Variants in ENTREP1 observed in about 807,000 individuals in gnomAD.
The protein encoded by ENTREP1 is endosomal transmembrane epsin interactor 1.
At chr9:69,372,515 T>C in the ENTREP1 span, among the ~76,000 whole-genome samples, 1 of 152,188 alleles carries the variant, frequency 6.6e-6, no homozygotes, top group Non-Finnish European at 1.5e-5. Context: ...TGTGTTAGAA[T>C]TCCCTTCCTT....
the ENTREP1 span, among the ~76,000 whole-genome samples, chr9:69,345,490 A>G: frequency 6.6e-6 from 1 of 152,192 alleles, no homozygotes; most frequent in Non-Finnish European, 1.5e-5. Flanking sequence ...CTATCCATCT[A>G]CCTATATCTC....
the ENTREP1 span, among the ~76,000 whole-genome samples, chr9:69,355,253 G>T: frequency 6.6e-6 from 1 of 152,242 alleles, no homozygotes; most frequent in Admixed American, 6.5e-5. Context: ...AAAGTTATTT[G>T]GAAAACATCT....
chr9:69,341,864 G>A, the ENTREP1 span, among the ~76,000 whole-genome samples: 9 of 151,986 alleles, frequency 5.9e-5, no homozygotes, highest in Admixed American at 2.6e-4. Flanking sequence ...ATGCTGACAC[G>A]TTACCACTAA....
At chr9:69,358,365 T>C in the ENTREP1 span, among the ~76,000 whole-genome samples, 1 of 152,332 alleles carries the variant, frequency 6.6e-6, no homozygotes, top group East Asian at 1.9e-4. Flanking sequence ...TACCTGTATA[T>C]AGCACTTATC....
the ENTREP1 span, chr9:69,371,627 A>G: frequency 6.8e-7 from 1 of 1,474,808 alleles, no homozygotes; most frequent in Non-Finnish European, 9.5e-7. Flanking sequence ...GTCCTAAAAC[A>G]TCACTGTGCA....
the ENTREP1 span, chr9:69,387,767 C>A: frequency 1.8e-6 from 1 of 555,550 alleles, no homozygotes; most frequent in Non-Finnish European, 2.8e-6. Context: ...TTGACTACTT[C>A]ATCCTCGCTC....
At chr9:69,330,734 G>A in the ENTREP1 span, among the ~76,000 whole-genome samples, 3 of 152,084 alleles carry the variant, frequency 2.0e-5, no homozygotes, top group East Asian at 5.8e-4. Flanking sequence ...CCTTTATTTT[G>A]CATATCAGCA....
chr9:69,345,175 G>A, the ENTREP1 span, among the ~76,000 whole-genome samples: 5 of 152,172 alleles, frequency 3.3e-5, no homozygotes, highest in African/African-American at 1.2e-4. Flanking sequence ...GAAGGAGGCT[G>A]GGTCGGGGTG....
the ENTREP1 span, among the ~76,000 whole-genome samples, chr9:69,326,454 T>C: frequency 1.3e-5 from 2 of 152,106 alleles, no homozygotes; most frequent in African/African-American, 4.8e-5. Context: ...TAGCTAGAGA[T>C]GTCTGCTCTA....
the ENTREP1 span, chr9:69,377,693 C>A: frequency 6.2e-7 from 1 of 1,613,990 alleles, no homozygotes; most frequent in South Asian, 1.1e-5. Context: ...CCTGTGCCTC[C>A]CCCTTCCTAT....
At chr9:69,353,872 T>C in the ENTREP1 span, among the ~76,000 whole-genome samples, 3 of 152,198 alleles carry the variant, frequency 2.0e-5, no homozygotes, top group Non-Finnish European at 2.9e-5. Flanking sequence ...GTTGTTCTTC[T>C]TTTTCTTCTT....
At chr9:69,341,379 A>G in the ENTREP1 span, among the ~76,000 whole-genome samples, 1 of 152,194 alleles carries the variant, frequency 6.6e-6, no homozygotes, top group African/African-American at 2.4e-5. Context: ...TGTATTGGCT[A>G]TTTAAAAAAT....
the ENTREP1 span, chr9:69,383,491 C>T: frequency 1.3e-6 from 2 of 1,512,718 alleles, no homozygotes; most frequent in Non-Finnish European, 1.8e-6. Context: ...TATTCTCCCT[C>T]TCCTGGCCAA....
the ENTREP1 span, among the ~76,000 whole-genome samples, chr9:69,368,927 T>G: frequency 6.6e-6 from 1 of 152,136 alleles, no homozygotes; most frequent in Non-Finnish European, 1.5e-5. Context: ...GATGGTTTGC[T>G]GCACCCATCA....
At chr9:69,362,205 G>A in the ENTREP1 span, among the ~76,000 whole-genome samples, 2 of 152,174 alleles carry the variant, frequency 1.3e-5, no homozygotes, top group Non-Finnish European at 2.9e-5. Context: ...AGGCAGTAGG[G>A]AAAGGTCAGC....
chr9:69,376,206 G>A, the ENTREP1 span, among the ~76,000 whole-genome samples: 1 of 152,038 alleles, frequency 6.6e-6, no homozygotes, highest in East Asian at 1.9e-4. Context: ...ACACATATAC[G>A]GTGTAGCTTT....
the ENTREP1 span, among the ~76,000 whole-genome samples, chr9:69,334,007 C>G: frequency 2.9e-4 from 44 of 152,290 alleles, no homozygotes; most frequent in East Asian, 7.9e-3. Flanking sequence ...TAGAAGAGAC[C>G]AAGAGATGGT....
chr9:69,340,655 G>GCGTGTGTGTGCA, the ENTREP1 span, among the ~76,000 whole-genome samples: 4 of 110,864 alleles, frequency 3.6e-5, no homozygotes, highest in African/African-American at 1.4e-4. Context: ...GTGTGTGCAT[G>GCGTGTGTGTGCA]TGTGTGTGTG....
At chr9:69,383,071 T>C in the ENTREP1 span, 10 of 985,104 alleles carry the variant, frequency 1.0e-5, no homozygotes, top group Non-Finnish European at 1.2e-5. Flanking sequence ...TGAATTTTGC[T>C]GTTGACGGTT....
Sources: gnomAD v4.1 joint callset for allele counts (sites outside exome capture counted in the v4.1 genomes callset) on GRCh38, gnomAD v4.1.1 for gene constraint, MANE v1.5 for transcripts, NCBI Gene and HGNC (gene_info 2026-07-23, HGNC 2026-07-21) for gene names.